APOLD1: variants seen among roughly 807,000 people sequenced by gnomAD.
APOLD1 encodes apolipoprotein L domain-containing protein 1.
In APOLD1, 22 loss-of-function variants were observed where a neutral mutation model predicts 15.3. The ratio of observed to expected loss-of-function variants is 1.44; its 90% confidence interval spans 1.03 to 2.05. The LOEUF (loss-of-function observed/expected upper bound fraction) is 2.05. Ranked by LOEUF, APOLD1 falls within the 30% of genes most tolerant of loss-of-function variation. The pLI is 0.00. For missense variants in APOLD1, 394 were observed against 353.5 expected, an observed-to-expected ratio of 1.11 and a Z score of -0.92; for synonymous variants, 190 against 167.4, an observed-to-expected ratio of 1.13 and a Z score of -1.04.
chr12:12,745,339 C>G (rs536531868), intron 1 of APOLD1, among the ~76,000 whole-genome samples: 5 of 152,030 alleles, frequency 3.3e-5, no homozygotes, highest in African/African-American at 1.2e-4. Context: ...GTCAGGAGTT[C>G]GTGACCAGCC....
At chr12:12,734,697 TATA>T (rs1254793880) in intron 1 of APOLD1, among the ~76,000 whole-genome samples, 1 of 152,226 alleles carries the variant, frequency 6.6e-6, no homozygotes, top group Non-Finnish European at 1.5e-5. Flanking sequence ...AAGATGATCT[TATA>T]ATAGCGTAGG....
At chr12:12,775,176 T>C (rs1272486703) in intron 1 of APOLD1, among the ~76,000 whole-genome samples, 6 of 152,162 alleles carry the variant, frequency 3.9e-5, no homozygotes, top group Non-Finnish European at 8.8e-5. Context: ...TGCATGTCTG[T>C]AAATGAAAGA....
upstream of APOLD1, among the ~76,000 whole-genome samples, chr12:12,783,185 G>A (rs1029427347): frequency 1.3e-5 from 2 of 152,112 alleles, no homozygotes; most frequent in Non-Finnish European, 1.5e-5. Context: ...TAGCCTGGGC[G>A]ACAGACTGAG....
chr12:12,772,940 A>G (rs566048652), intron 1 of APOLD1, among the ~76,000 whole-genome samples: 23 of 152,292 alleles, frequency 1.5e-4, no homozygotes, highest in African/African-American at 5.5e-4. Context: ...AATGAAAGCC[A>G]GGCATGGTGG....
chr12:12,735,235 A>G (rs1946675150), intron 1 of APOLD1, among the ~76,000 whole-genome samples: 1 of 151,994 alleles, frequency 6.6e-6, no homozygotes, highest in Admixed American at 6.6e-5. Context: ...TAAAACAAAC[A>G]AACAAACAAA....
At chr12:12,746,569 C>T (rs112830996) in intron 1 of APOLD1, among the ~76,000 whole-genome samples, 2,944 of 152,044 alleles carry the variant, frequency 0.019, 97 homozygotes, top group African/African-American at 0.066. Flanking sequence ...TGCATGACTA[C>T]GTGTATGAAC....
rs1947177129 is a variant in APOLD1, at chr12:12,790,548, C to CT, written c.*2900dup. 6.6e-6 allele frequency: 1 copy of CT among 151,904 alleles called. No homozygotes were observed. The highest frequency in any genetic ancestry group is 1.5e-5 in the Non-Finnish European group (1 of 67,978). The allele number at this position is 151,904 out of a possible 1,614,324, so 9.4% of individuals were successfully genotyped here. ...CAGCAACAGTAACAGCAGCAGCAAACTTTTCCTCTCATATTTTGGGTGTAT... is the reference window on the plus strand; with the variant it reads ...CAGCAACAGTAACAGCAGCAGCAAACTTTTTCCTCTCATATTTTGGGTGTAT... On this transcript the variant is annotated 3_prime_UTR_variant, in exon 2 of 2. Coordinates refer to ENST00000356591, the MANE Select transcript of APOLD1 (RefSeq NM_030817.3).
At chr12:12,773,450 T>A (rs574201486) in intron 1 of APOLD1, among the ~76,000 whole-genome samples, 3 of 152,262 alleles carry the variant, frequency 2.0e-5, no homozygotes, top group East Asian at 3.9e-4. Context: ...GTAGTCCAGC[T>A]ACCTAGGAGG....
intron 1 of APOLD1, among the ~76,000 whole-genome samples, chr12:12,774,310 C>T (rs185269948): frequency 5.5e-4 from 83 of 151,690 alleles, no homozygotes; most frequent in African/African-American, 1.6e-3. Flanking sequence ...TTTGGGAGGC[C>T]GAAGAGGGTG....
At chr12:12,784,724 T>C (rs1033155746), upstream of APOLD1, among the ~76,000 whole-genome samples, 3 of 152,188 alleles carry the variant, frequency 2.0e-5, no homozygotes, top group African/African-American at 7.2e-5. Flanking sequence ...GGACATGTAG[T>C]AGGACTGAAT....
chr12:12,751,733 C>G (rs1466766726), intron 1 of APOLD1, among the ~76,000 whole-genome samples: 1 of 152,196 alleles, frequency 6.6e-6, no homozygotes, highest in Non-Finnish European at 1.5e-5. Context: ...CATCCTAATT[C>G]TCAGAATCTG....
chr12:12,753,638 A>G (rs1419909685), intron 1 of APOLD1, among the ~76,000 whole-genome samples: 1 of 152,072 alleles, frequency 6.6e-6, no homozygotes, highest in African/African-American at 2.4e-5. Flanking sequence ...ACACCACTGC[A>G]CTCCAGCCAG....
intron 1 of APOLD1, among the ~76,000 whole-genome samples, chr12:12,727,987 A>G (rs978616153): frequency 2.0e-5 from 3 of 151,952 alleles, no homozygotes; most frequent in African/African-American, 7.3e-5. Flanking sequence ...TTTCTTTTAA[A>G]GACAGGTCTC....
intron 1 of APOLD1, among the ~76,000 whole-genome samples, chr12:12,759,625 T>C (rs1946882283): frequency 6.6e-6 from 1 of 152,340 alleles, no homozygotes; most frequent in Middle Eastern, 3.4e-3. Flanking sequence ...CAAAATTTAT[T>C]TGAGATATTA....
chr12:12,753,264 CT>C (rs1946827820), intron 1 of APOLD1, among the ~76,000 whole-genome samples: 1 of 152,126 alleles, frequency 6.6e-6, no homozygotes, highest in African/African-American at 2.4e-5. Flanking sequence ...AAGATTAGGT[CT>C]TTTCAATAAG....
At chr12:12,729,136 T>C (rs1946617195) in intron 1 of APOLD1, among the ~76,000 whole-genome samples, 2 of 152,136 alleles carry the variant, frequency 1.3e-5, no homozygotes, top group African/African-American at 4.8e-5. Flanking sequence ...TTACTCCTTT[T>C]TTTCCCCCAG....
chr12:12,737,338 C>T (rs1946696086), intron 1 of APOLD1, among the ~76,000 whole-genome samples: 1 of 152,114 alleles, frequency 6.6e-6, no homozygotes, highest in African/African-American at 2.4e-5. Context: ...TGACCCACCC[C>T]ATACGCTTTT....
chr12:12,774,806 C>T (rs540446326), intron 1 of APOLD1, among the ~76,000 whole-genome samples: 58 of 152,164 alleles, frequency 3.8e-4, no homozygotes, highest in African/African-American at 1.3e-3. Flanking sequence ...ACTAAATTCC[C>T]TGATGAGGAT....
chr12:12,753,384 G>T (rs890143479), intron 1 of APOLD1, among the ~76,000 whole-genome samples: 1 of 152,196 alleles, frequency 6.6e-6, no homozygotes, highest in Non-Finnish European at 1.5e-5. Context: ...AATAGAAGGG[G>T]GTTGGGTGTG....
Sources: gnomAD v4.1 joint callset for allele counts (sites outside exome capture counted in the v4.1 genomes callset) on GRCh38, gnomAD v4.1.1 for gene constraint, MANE v1.5 for transcripts, NCBI Gene and HGNC (gene_info 2026-07-23, HGNC 2026-07-21) for gene names.